ZNHIT2: variants seen among roughly 807,000 people sequenced by gnomAD.
ZNHIT2 encodes zinc finger HIT-type containing 2.
In ZNHIT2, 16 loss-of-function variants were observed where a neutral mutation model predicts 18.0. That is an observed-to-expected ratio of 0.89 (90% CI 0.60 to 1.35). ZNHIT2 has a LOEUF of 1.35. Among genes scored for constraint, ZNHIT2 ranks in the 40% most tolerant of loss-of-function variants. ZNHIT2 has a pLI of 0.00. For synonymous variants in ZNHIT2, 336 were observed against 269.8 expected, an observed-to-expected ratio of 1.25 and a Z score of -2.41; for missense variants, 631 against 566.4, an observed-to-expected ratio of 1.11 and a Z score of -1.16.
Position 65,116,780 on chromosome 11 carries a change from G to A in ZNHIT2, c.874C>T (p.Arg292Cys), listed in dbSNP as rs201399826. The change falls in exon 1 of 1, where the codon CGC becomes TGC. Residue 292 changes from arginine (R) to cysteine (C), a missense_variant. Coordinates refer to ENST00000310597, the MANE Select transcript of ZNHIT2 (RefSeq NM_014205.4). ...GTCGGGCCCTCGCCCAGCAGGATGCGGGCGACCTCGTGCATAGCCCCTCGT... is the reference window on the plus strand; with the variant it reads ...GTCGGGCCCTCGCCCAGCAGGATGCAGGCGACCTCGTGCATAGCCCCTCGT... ...GTRGAMHEVA[R>C]ILLGEGPTNQ... is the part of the protein sequence containing the mutation. 56 of 1,607,058 alleles carry A rather than the reference G, an allele frequency of 3.5e-5. No individual in the cohort carries two copies. Among genetic ancestry groups the A allele is most frequent in the Non-Finnish European group, 4.5e-5 (53 of 1,175,436 alleles).
Position 65,117,639 on chromosome 11 carries a change from C to A in ZNHIT2, c.15G>T (p.Gly5=). Residue 5 remains glycine (G), a synonymous_variant, in exon 1 of 1, where the codon GGG becomes GGT. Coordinates refer to ENST00000310597, the MANE Select transcript of ZNHIT2 (RefSeq NM_014205.4). ...CCCCCGCCGGGCAGAAGCCACAGGG[C>A]CCGGCCGGCTCCATGGCAACTGGCA... is the stretch of plus-strand genomic sequence containing the variant. MEPA[G]PCGFCPAGEV... 1.4e-6 allele frequency: 2 copies of A among 1,448,128 alleles called. No homozygotes were observed. Among genetic ancestry groups the A allele is most frequent in the East Asian group, 2.7e-5 (1 of 36,970 alleles). 89.7% of individuals were successfully genotyped at this position (1,448,128 alleles called of 1,614,324 possible).
Position 65,117,371 on chromosome 11 carries a change from G to T in ZNHIT2, c.283C>A (p.Leu95Ile). 1 of 1,503,786 alleles carries T rather than the reference G, an allele frequency of 6.6e-7. No individual in the cohort carries two copies. Among genetic ancestry groups the T allele is most frequent in the Non-Finnish European group, 8.8e-7 (1 of 1,135,096 alleles). The allele number at this position is 1,503,786 out of a possible 1,614,324, so 93.2% of individuals were successfully genotyped here. ...GLSSGPAPGG[L>I]SGLWERLAPG... is the part of the protein sequence containing the mutation. ...GCCAGCCGCTCCCAGAGTCCCGATA[G>T]GCCGCCGGGCGCCGGGCCGGAGCTG... Residue 95 changes from leucine (L) to isoleucine (I), a missense_variant, in exon 1 of 1, where the codon CTA becomes ATA. Leu to Ile is a conservative substitution (Grantham distance 5). Transcript: ENST00000310597.
In ZNHIT2 at chr11:65,117,023, CG is replaced by C; in HGVS notation, c.630del (p.Val211CysfsTer149). The C allele has an allele frequency of 6.3e-7, 1 of 1,598,026 alleles. No individual in the cohort carries two copies. Among genetic ancestry groups the C allele is most frequent in the Non-Finnish European group, 8.5e-7 (1 of 1,174,862 alleles). On this transcript the variant is annotated frameshift_variant, in exon 1 of 1. Transcript: ENST00000310597. LOFTEE classifies it high-confidence loss of function. ...AGCACATTGGGCAGCTGGAAGCGCA[CG>C]AGCGGCGAGACTGGGCCGCGGCTCA... is the stretch of plus-strand genomic sequence containing the variant. ...VSLSRGPVSPLVRFQLPNVLF... is the reference protein window; with the variant it reads ...VSLSRGPVSPXVRFQLPNVLF...
Position 65,116,564 on chromosome 11 carries a change from C to T in ZNHIT2, c.1090G>A (p.Ala364Thr), listed in dbSNP as rs748734717. 11 of 1,583,678 alleles carry T rather than the reference C, an allele frequency of 6.9e-6. No homozygotes were observed. In the African/African-American group the frequency reaches 1.3e-4, roughly 19 times the overall value. Reference sequence around the variant, plus strand: ...GCTACCACAGCATGGGCTTGGTGAGCCCTGGCGCAGTCTAGGGCCAGGGGT... The same window carrying T: ...GCTACCACAGCATGGGCTTGGTGAGTCCTGGCGCAGTCTAGGGCCAGGGGT... ...LTPLALDCAR[A>T]HQAHAVVAEE... Residue 364 changes from alanine (A) to threonine (T), a missense_variant, in exon 1 of 1, where the codon GCT (alanine) becomes ACT (threonine). Physicochemically the swap from Ala to Thr is moderately conservative, Grantham distance 58. Transcript: ENST00000310597.
rs928949250 is a variant in ZNHIT2, at chr11:65,117,054, G to A, written c.600C>T (p.Val200=). ...GCGAGACTGGGCCGCGGCTCAGGCT[G>A]ACTATCGCGGGGATGCGGGTGGGTA... ...PVVPTRIPAI[V]SLSRGPVSPL... is the part of the protein sequence containing the mutation. The change falls in exon 1 of 1, where the codon GTC becomes GTT. Residue 200 remains valine, a synonymous_variant. Transcript: ENST00000310597. The A allele has an allele frequency of 6.3e-6, 10 of 1,594,150 alleles. No homozygotes were observed. Among genetic ancestry groups the A allele is most frequent in the Non-Finnish European group, 8.5e-6 (10 of 1,172,832 alleles).
rs1489358956 is a variant in ZNHIT2 at position 65,116,688 on chromosome 11, T to C, written c.966A>G (p.Lys322=). 1 of 1,613,942 alleles carries C rather than the reference T, an allele frequency of 6.2e-7. No homozygotes were observed. Among genetic ancestry groups the C allele is most frequent in the East Asian group, 2.2e-5 (1 of 44,882 alleles). The change falls in exon 1 of 1, where the codon AAA becomes AAG. Residue 322 remains lysine, a synonymous_variant. Transcript: ENST00000310597. ...DLAQTLGRAR[K]QAVAREERDH... is the part of the protein sequence containing the mutation. The stretch of plus-strand genomic sequence containing the variant: ...CTCGCTCTTCTCTAGCCACGGCCTG[T>C]TTCCGGGCACGGCCCAGGGTCTGTG...
chr11:65,116,419 T>A lies in ZNHIT2; in HGVS notation c.*23A>T, dbSNP rs2137209971. 1 of 1,509,532 alleles carries A rather than the reference T, an allele frequency of 6.6e-7. No homozygotes were observed. Among genetic ancestry groups the A allele is most frequent in the Non-Finnish European group, 8.9e-7 (1 of 1,128,288 alleles). 93.5% of individuals were successfully genotyped at this position (1,509,532 alleles called of 1,614,324 possible). A position where few individuals can be genotyped will look rare whatever the true frequency, so the allele number is the denominator to read the frequency against. ...CAACAGGGCTGACCAGTCACAGCTT[T>A]ATTAATGACCAGGGTAACCCGTTCA... On this transcript the variant is annotated 3_prime_UTR_variant, in exon 1 of 1. Coordinates refer to ENST00000310597, the MANE Select transcript of ZNHIT2 (RefSeq NM_014205.4).
rs747809463 is a variant in ZNHIT2, at chr11:65,117,384, C to A, written c.270G>T (p.Pro90=). The A allele has an allele frequency of 6.7e-7, 1 of 1,496,508 alleles. No individual in the cohort carries two copies. 92.7% of individuals were successfully genotyped at this position (1,496,508 alleles called of 1,614,324 possible). The change falls in exon 1 of 1, where the codon CCG becomes CCT. Residue 90 remains proline, a synonymous_variant. Transcript: ENST00000310597. Reference sequence around the variant, plus strand: ...AGAGTCCCGATAGGCCGCCGGGCGCCGGGCCGGAGCTGAGGCCTGCTTCCC... The same window carrying A: ...AGAGTCCCGATAGGCCGCCGGGCGCAGGGCCGGAGCTGAGGCCTGCTTCCC... ...EPGEAGLSSG[P]APGGLSGLWE... is the part of the protein sequence containing the mutation.
Position 65,116,978 on chromosome 11 carries a change from G to C in ZNHIT2, c.676C>G (p.Leu226Val), listed in dbSNP as rs1265364190. Residue 226 changes from leucine to valine, a missense_variant, in exon 1 of 1, where the codon CTC (leucine) becomes GTC (valine). Leu to Val is a conservative substitution (Grantham distance 32). Transcript: ENST00000310597. ...PNVLFAYAHT[L>V]ALYHGGDDAL... is the part of the protein sequence containing the mutation. Reference sequence around the variant, plus strand: ...TCGTCACCGCCGTGATACAGGGCGAGAGTATGCGCGTAGGCGAACAGCACA... The same window carrying C: ...TCGTCACCGCCGTGATACAGGGCGACAGTATGCGCGTAGGCGAACAGCACA... 1.9e-6 allele frequency: 3 copies of C among 1,602,738 alleles called. No individual in the cohort carries two copies. The African/African-American group carries it at 4.0e-5, about 21-fold the overall frequency.
rs1280184708 is a variant in ZNHIT2 at position 65,117,273 on chromosome 11, C to T, written c.381G>A (p.Arg127=). 1 of 1,492,390 alleles carries T rather than the reference C, an allele frequency of 6.7e-7. No homozygotes were observed. The highest frequency in any genetic ancestry group is 8.8e-7 in the Non-Finnish European group (1 of 1,131,010). The allele number at this position is 1,492,390 out of a possible 1,614,324, so 92.4% of individuals were successfully genotyped here. A position where few individuals can be genotyped will look rare whatever the true frequency, so the allele number is the denominator to read the frequency against. Reference sequence around the variant, plus strand: ...CGGCTCCGCGGTTCCACCACCACGGCCGCCATGGAGGCAGCAGCCGCCCGG... The same window carrying T: ...CGGCTCCGCGGTTCCACCACCACGGTCGCCATGGAGGCAGCAGCCGCCCGG... ...GEAGRLLPPW[R]PWWWNRGAGP... Residue 127 remains arginine, a synonymous_variant, in exon 1 of 1, where the codon CGG becomes CGA. Coordinates refer to ENST00000310597, the MANE Select transcript of ZNHIT2 (RefSeq NM_014205.4).
Position 65,116,813 on chromosome 11 carries a change from G to A in ZNHIT2, c.841C>T (p.Leu281=). Residue 281 remains leucine, a synonymous_variant, in exon 1 of 1, where the codon CTG becomes TTG. Transcript: ENST00000310597. ...TCGTGCATAGCCCCTCGTGTGCCCA[G>A]GGGCCCCGGCGGGTGCTCGCCTGCT... ...LEAGEHPPGP[L]GTRGAMHEVA... 6.2e-7 allele frequency: 1 copy of A among 1,609,394 alleles called. No homozygotes were observed. The highest frequency in any genetic ancestry group is 8.5e-7 in the Non-Finnish European group (1 of 1,177,940).
Position 65,116,693 on chromosome 11 carries a change from G to A in ZNHIT2, c.961C>T (p.Arg321Trp), listed in dbSNP as rs2137210709. 2 of 1,613,860 alleles carry A rather than the reference G, an allele frequency of 1.2e-6. No homozygotes were observed. The highest frequency in any genetic ancestry group is 1.7e-5 in the Admixed American group (1 of 60,030). The change falls in exon 1 of 1, where the codon CGG (arginine) becomes TGG (tryptophan). Residue 321 changes from arginine (R) to tryptophan (W), a missense_variant. By Grantham distance (101) the Arg-to-Trp change is moderately radical (BLOSUM62 -3). Transcript: ENST00000310597. ...TCTTCTCTAGCCACGGCCTGTTTCC[G>A]GGCACGGCCCAGGGTCTGTGCCAGG... ...GDLAQTLGRA[R>W]KQAVAREERD...
Position 65,117,535 on chromosome 11 carries a change from G to T in ZNHIT2, c.119C>A (p.Thr40Asn), listed in dbSNP as rs200891198. ...CSLRCYRTHG[T>N]CAENFYRDQV... ...GTCACGGTAGAAGTTTTCTGCGCAG[G>T]TGCCATGCGTCCGGTAGCAGCGCAG... is the stretch of plus-strand genomic sequence containing the variant. The change falls in exon 1 of 1, where the codon ACC becomes AAC. Residue 40 changes from threonine to asparagine, a missense_variant. By Grantham distance (65) the Thr-to-Asn change is moderately conservative. Coordinates refer to ENST00000310597, the MANE Select transcript of ZNHIT2 (RefSeq NM_014205.4). The T allele has an allele frequency of 6.3e-7, 1 of 1,591,532 alleles. No homozygotes were observed. Among genetic ancestry groups the T allele is most frequent in the Admixed American group, 1.7e-5 (1 of 58,322 alleles).
In ZNHIT2 at chr11:65,117,678, G is replaced by A; in HGVS notation, c.-25C>T. 10 of 1,362,080 alleles carry A rather than the reference G, an allele frequency of 7.3e-6. No individual in the cohort carries two copies. Among genetic ancestry groups the A allele is most frequent in the Non-Finnish European group, 9.4e-6 (10 of 1,059,726 alleles). 84.4% of individuals were successfully genotyped at this position (1,362,080 alleles called of 1,614,324 possible). A position where few individuals can be genotyped will look rare whatever the true frequency, so the allele number is the denominator to read the frequency against. On this transcript the variant is annotated 5_prime_UTR_variant, in exon 1 of 1. Transcript: ENST00000310597. ...TGGCAACTGGCACCGCGATCTACCT[G>A]CGAACGCACGCCGGTGGTAGTTCGA...
In ZNHIT2 at chr11:65,117,672, C is replaced by G. The variant is rs1166417315; in HGVS notation, c.-19G>C. The G allele has an allele frequency of 2.9e-6, 4 of 1,366,418 alleles. No individual in the cohort carries two copies. Among genetic ancestry groups the G allele is most frequent in the African/African-American group, 1.5e-5 (1 of 65,942 alleles). The allele number at this position is 1,366,418 out of a possible 1,614,324, so 84.6% of individuals were successfully genotyped here. On this transcript the variant is annotated 5_prime_UTR_variant, in exon 1 of 1. Coordinates refer to ENST00000310597, the MANE Select transcript of ZNHIT2 (RefSeq NM_014205.4). Reference sequence around the variant, plus strand: ...GCTCCATGGCAACTGGCACCGCGATCTACCTGCGAACGCACGCCGGTGGTA... The same window carrying G: ...GCTCCATGGCAACTGGCACCGCGATGTACCTGCGAACGCACGCCGGTGGTA...
Position 65,117,322 on chromosome 11 carries a change from T to C in ZNHIT2, c.332A>G (p.Glu111Gly). Reference protein sequence around the residue: ...RLAPGEKAAFERLLSRGEAGR... With the variant: ...RLAPGEKAAFGRLLSRGEAGR... ...GGCCTCACCGCGGCTCAGCAGCCGCTCGAAGGCAGCTTTTTCGCCCGGCGC... is the reference window on the plus strand; with the variant it reads ...GGCCTCACCGCGGCTCAGCAGCCGCCCGAAGGCAGCTTTTTCGCCCGGCGC... Residue 111 changes from glutamate to glycine, a missense_variant, in exon 1 of 1, where the codon GAG becomes GGG. Coordinates refer to ENST00000310597, the MANE Select transcript of ZNHIT2 (RefSeq NM_014205.4). 6.7e-7 allele frequency: 1 copy of C among 1,503,404 alleles called. No homozygotes were observed. Among genetic ancestry groups the C allele is most frequent in the Non-Finnish European group, 8.8e-7 (1 of 1,139,054 alleles). The allele number at this position is 1,503,404 out of a possible 1,614,324, so 93.1% of individuals were successfully genotyped here.
Position 65,117,224 on chromosome 11 carries a change from C to A in ZNHIT2, c.430G>T (p.Asp144Tyr). 1 of 1,516,944 alleles carries A rather than the reference C, an allele frequency of 6.6e-7. No homozygotes were observed. Among genetic ancestry groups the A allele is most frequent in the Non-Finnish European group, 8.8e-7 (1 of 1,139,736 alleles). 94.0% of individuals were successfully genotyped at this position (1,516,944 alleles called of 1,614,324 possible). A position where few individuals can be genotyped will look rare whatever the true frequency, so the allele number is the denominator to read the frequency against. ...GAGPQLLEEL[D>Y]NAPGSDAAEL... ...GCGGCGTCACTACCCGGGGCATTAT[C>A]CAGCTCCTCCAGAAGCTGCGGTCCG... Residue 144 changes from aspartate (D) to tyrosine (Y), a missense_variant, in exon 1 of 1, where the codon GAT becomes TAT. Physicochemically the swap from Asp to Tyr is radical, Grantham distance 160 (BLOSUM62 -3). Coordinates refer to ENST00000310597, the MANE Select transcript of ZNHIT2 (RefSeq NM_014205.4).
Position 65,117,492 on chromosome 11 carries a change from G to A in ZNHIT2, c.162C>T (p.Leu54=), listed in dbSNP as rs539314451. The change falls in exon 1 of 1, where the codon CTC becomes CTT. Residue 54 remains leucine, a synonymous_variant. Transcript: ENST00000310597. ...GGCTGGGAGGAGCGCTGCAACCGCGGAGCTCTCCCAGCACCTGGTCACGGT... is the reference window on the plus strand; with the variant it reads ...GGCTGGGAGGAGCGCTGCAACCGCGAAGCTCTCCCAGCACCTGGTCACGGT... ...NFYRDQVLGE[L]RGCSAPPSRL... 4.4e-6 allele frequency: 7 copies of A among 1,577,770 alleles called. No individual in the cohort carries two copies. The highest frequency in any genetic ancestry group is 6.0e-6 in the Non-Finnish European group (7 of 1,170,840).
At position 65,117,211 on chromosome 11, in the gene ZNHIT2, C is replaced by G. The variant is rs542986811; in HGVS notation, c.443G>C (p.Gly148Ala). Reference sequence around the variant, plus strand: ...GAGCTCCAGCTCCGCGGCGTCACTACCCGGGGCATTATCCAGCTCCTCCAG... The same window carrying G: ...GAGCTCCAGCTCCGCGGCGTCACTAGCCGGGGCATTATCCAGCTCCTCCAG... Reference protein sequence around the residue: ...QLLEELDNAPGSDAAELELAP... With the variant: ...QLLEELDNAPASDAAELELAP... The change falls in exon 1 of 1, where the codon GGT (glycine) becomes GCT (alanine). Residue 148 changes from glycine (G) to alanine (A), a missense_variant. By Grantham distance (60) the Gly-to-Ala change is moderately conservative (BLOSUM62 0). Transcript: ENST00000310597. 36 of 1,535,416 alleles carry G rather than the reference C, an allele frequency of 2.3e-5. No homozygotes were observed. The South Asian group carries it at 3.3e-4, about 14-fold the overall frequency.
Sources: gnomAD v4.1 joint callset for allele counts on GRCh38, gnomAD v4.1.1 for gene constraint, MANE v1.5 for transcripts, NCBI Gene and HGNC (gene_info 2026-07-23, HGNC 2026-07-21) for gene names.